ZZEF1: variants seen among roughly 807,000 people sequenced by gnomAD.
The protein encoded by ZZEF1 is zinc finger ZZ-type and EF-hand domain-containing protein 1.
A neutral mutation model predicts 342.8 loss-of-function variants in ZZEF1; 157 were observed. That is an observed-to-expected ratio of 0.46 (90% CI 0.40 to 0.52). The LOEUF (loss-of-function observed/expected upper bound fraction) is 0.52, where lower values mean the gene tolerates loss of function less well. Ranked by LOEUF, ZZEF1 falls within the 20% of genes least tolerant of loss-of-function variation. The pLI, the probability that ZZEF1 is intolerant of heterozygous loss-of-function variation, is 0.00. For synonymous variants in ZZEF1, 1,505 were observed against 1,429.1 expected (o/e 1.05, Z -1.20); for missense variants, 3,480 against 3,725.6 (o/e 0.93, Z 1.72).
At chr17:4,025,270 G>A in intron 42 of ZZEF1, 152 bp from the exon 43 acceptor site, 1 of 715,464 alleles carries the variant, frequency 1.4e-6, no homozygotes, top group South Asian at 1.8e-5. Flanking sequence ...AAGCCAGCTT[G>A]CAGGTAAACA....
chr17:4,136,221 G>T (rs1429787720), intron 1 of ZZEF1, among the ~76,000 whole-genome samples: 1 of 149,326 alleles, frequency 6.7e-6, no homozygotes, highest in African/African-American at 2.5e-5. Flanking sequence ...GCAGGTGCCT[G>T]TAATCCCAGC....
At chr17:4,127,738 T>A (rs1296212428) in intron 1 of ZZEF1, among the ~76,000 whole-genome samples, 1 of 152,168 alleles carries the variant, frequency 6.6e-6, no homozygotes, top group Non-Finnish European at 1.5e-5. Context: ...GTTTACTTGC[T>A]CAATGTGTAA....
chr17:4,123,775 A>T, intron 2 of ZZEF1, 132 bp downstream of exon 2: 1 of 1,006,914 alleles, frequency 9.9e-7, no homozygotes, highest in Non-Finnish European at 1.4e-6. Context: ...AGGAAATGCT[A>T]ATTCAGATCG....
At chr17:4,116,447 G>A (rs773175763) in intron 3 of ZZEF1, among the ~76,000 whole-genome samples, 3 of 152,026 alleles carry the variant, frequency 2.0e-5, no homozygotes, top group Non-Finnish European at 2.9e-5. Flanking sequence ...CATGTATATC[G>A]GCGTCTATGC....
Position 4,117,169 on chromosome 17 carries a change from A to G in ZZEF1, c.500-3T>C. On this transcript the variant is annotated splice_polypyrimidine_tract_variant and splice_region_variant and intron_variant, in intron 2 of 54. Transcript: ENST00000381638. ...CTCTGAAAATATGTCTGTGAAACCT[A>G]AACAGATGAAATCCATTTTTGGTGT... The G allele has an allele frequency of 6.2e-7, 1 of 1,602,962 alleles. No homozygotes were observed. The highest frequency in any genetic ancestry group is 8.5e-7 in the Non-Finnish European group (1 of 1,171,956).
chr17:4,046,190 A>C (rs781197560), intron 37 of ZZEF1, among the ~76,000 whole-genome samples: 6 of 152,164 alleles, frequency 3.9e-5, no homozygotes, highest in Non-Finnish European at 7.4e-5. Context: ...CACTTTGGCA[A>C]TGAGACTTGT....
intron 17 of ZZEF1, 89 bp from the exon 18 acceptor site, chr17:4,081,579 G>A: frequency 9.0e-7 from 1 of 1,110,052 alleles, no homozygotes; most frequent in Non-Finnish European, 1.3e-6. Flanking sequence ...AGCGCAGAAA[G>A]GTTTCAGTGT....
At chr17:4,048,832 C>T (rs937034410) in intron 37 of ZZEF1, among the ~76,000 whole-genome samples, 2 of 151,126 alleles carry the variant, frequency 1.3e-5, no homozygotes, top group South Asian at 2.1e-4. Flanking sequence ...CCCTGCCTCT[C>T]GAGTAGCTGG....
intron 3 of ZZEF1, 106 bp downstream of exon 3, chr17:4,116,866 G>C: frequency 8.3e-7 from 1 of 1,201,402 alleles, no homozygotes; most frequent in Non-Finnish European, 1.2e-6. Context: ...TCATGACTCT[G>C]TATTTTCAGA....
At position 4,112,616 on chromosome 17, in the gene ZZEF1, A is replaced by C. The variant is rs1468174074; in HGVS notation, c.1059T>G (p.Ser353Arg). Reference protein sequence around the residue: ...YVTLLENANVSQLYVQINIKR... With the variant: ...YVTLLENANVRQLYVQINIKR... The stretch of plus-strand genomic sequence containing the variant: ...CAGTTCTGTTGGACTTACAGAGCTG[A>C]CTGACGTTGGCATTTTCCAGCAGCG... Residue 353 changes from serine to arginine, a missense_variant, in exon 5 of 55, where the codon AGT (serine) becomes AGG (arginine). Ser to Arg is a moderately radical substitution (Grantham distance 110, BLOSUM62 -1). Around this residue, in one of 5 missense-constraint regions of ZZEF1, gnomAD observed 92 missense variants for 130.3 expected, o/e 0.71. Transcript: ENST00000381638. 6.2e-7 allele frequency: 1 copy of C among 1,614,124 alleles called. No individual in the cohort carries two copies. Among genetic ancestry groups the C allele is most frequent in the Non-Finnish European group, 8.5e-7 (1 of 1,180,000 alleles).
Position 4,070,762 on chromosome 17 carries a change from T to C in ZZEF1, c.3997A>G (p.Ile1333Val), listed in dbSNP as rs371660444. Residue 1333 changes from isoleucine to valine, a missense_variant, in exon 26 of 55, where the codon ATT becomes GTT. Coordinates refer to ENST00000381638, the MANE Select transcript of ZZEF1 (RefSeq NM_015113.4). The part of the protein sequence containing the change: ...PKTDIVAGST[I>V]DQAVNATFAA... ...AAGGTGGCGTTCACAGCTTGATCAATAGTGGAACCAGCAACTATATCTGTC... is the reference window on the plus strand; with the variant it reads ...AAGGTGGCGTTCACAGCTTGATCAACAGTGGAACCAGCAACTATATCTGTC... 4.4e-5 allele frequency: 71 copies of C among 1,614,038 alleles called. No individual in the cohort carries two copies. Among genetic ancestry groups the C allele is most frequent in the Non-Finnish European group, 5.6e-5 (66 of 1,180,032 alleles).
chr17:4,139,641 T>C (rs914773431), intron 1 of ZZEF1, among the ~76,000 whole-genome samples: 2 of 152,334 alleles, frequency 1.3e-5, no homozygotes, highest in African/African-American at 4.8e-5. Flanking sequence ...CTTATCTTCT[T>C]TGGCTAGTCC....
At chr17:4,073,949 C>T (rs956520768) in intron 24 of ZZEF1, among the ~76,000 whole-genome samples, 1 of 152,132 alleles carries the variant, frequency 6.6e-6, no homozygotes, top group Non-Finnish European at 1.5e-5. Context: ...GGCAGCCTTC[C>T]TGCTATGTTC....
chr17:4,141,156 G>A (rs190661524), intron 1 of ZZEF1, among the ~76,000 whole-genome samples: 134 of 152,144 alleles, frequency 8.8e-4, no homozygotes, highest in South Asian at 2.3e-3. Context: ...TGATCCTCCC[G>A]CCTCAGCCTC....
intron 39 of ZZEF1, among the ~76,000 whole-genome samples, chr17:4,041,295 CATA>C (rs1486659437): frequency 6.6e-6 from 1 of 151,936 alleles, no homozygotes; most frequent in East Asian, 1.9e-4. Flanking sequence ...AGAGGGAACA[CATA>C]ATGATTTTCC....
intron 1 of ZZEF1, among the ~76,000 whole-genome samples, chr17:4,137,437 C>T (rs563846865): frequency 2.1e-4 from 32 of 151,986 alleles, no homozygotes; most frequent in Non-Finnish European, 3.5e-4. Context: ...GGTGAAACCC[C>T]GTCTCTTACT....
rs142520166 is a variant in ZZEF1, at chr17:4,050,858, C to T, written c.5786G>A (p.Arg1929His). The T allele has an allele frequency of 2.9e-5, 47 of 1,614,024 alleles. No homozygotes were observed. Among genetic ancestry groups the T allele is most frequent in the African/African-American group, 2.8e-4 (21 of 74,928 alleles). Reference protein sequence around the residue: ...VDGEKLDPQTRSSATTLRSQC... With the variant: ...VDGEKLDPQTHSSATTLRSQC... Reference sequence around the variant, plus strand: ...GCTCCGCAGGGTGGTGGCACTGCTGCGCGTCTGGGGGTCCAGCTTCTCCCC... The same window carrying T: ...GCTCCGCAGGGTGGTGGCACTGCTGTGCGTCTGGGGGTCCAGCTTCTCCCC... The change falls in exon 36 of 55, where the codon CGC becomes CAC. Residue 1929 changes from arginine (R) to histidine (H), a missense_variant. By Grantham distance (29) the Arg-to-His change is conservative. This residue lies in a region of ZZEF1 where 1,269 missense variants were observed against 1,342.4 expected (regional missense o/e 0.95). Transcript: ENST00000381638.
intron 39 of ZZEF1, among the ~76,000 whole-genome samples, chr17:4,035,757 A>G (rs1328833851): frequency 6.6e-6 from 1 of 152,178 alleles, no homozygotes; most frequent in Non-Finnish European, 1.5e-5. Flanking sequence ...GTTGCGGGTG[A>G]GGGTCGTCTC....
At chr17:4,072,466 A>T in intron 25 of ZZEF1, 142 bp downstream of exon 25, 1 of 1,041,492 alleles carries the variant, frequency 9.6e-7, no homozygotes, top group Non-Finnish European at 1.3e-6. Context: ...TTAACAAGTT[A>T]ACAAGGTATA....
Sources: allele counts gnomAD v4.1 joint callset (sites outside exome capture counted in the v4.1 genomes callset), GRCh38; gene constraint gnomAD v4.1.1; regional missense constraint gnomAD v4.1.1; transcripts MANE v1.5; gene names NCBI Gene and HGNC (gene_info 2026-07-23, HGNC 2026-07-21).